The following FAM193A variants were observed in gnomAD, a reference collection of about 807,000 sequenced individuals.
FAM193A encodes the protein family with sequence similarity 193 member A.
FAM193A carries 22 observed loss-of-function variants against 126.5 expected under a neutral mutation model. The observed-to-expected ratio is 0.17, with a 90% CI of 0.12 to 0.25. The LOEUF (loss-of-function observed/expected upper bound fraction) is 0.25. Ranked by LOEUF, FAM193A falls within the 10% of genes least tolerant of loss-of-function variation. FAM193A has a pLI of 1.00. For missense variants in FAM193A, 1,675 were observed against 1,672.8 expected (o/e 1.00, Z -0.02); for synonymous variants, 761 against 646.8 (o/e 1.18, Z -2.68).
At chr4:2,552,132 C>T (rs1737961483) in intron 1 of FAM193A, among the ~76,000 whole-genome samples, 1 of 151,718 alleles carries the variant, frequency 6.6e-6, no homozygotes, top group Non-Finnish European at 1.5e-5. Context: ...CTGCCTCAGC[C>T]TCCGGAGTAG....
intron 7 of FAM193A, among the ~76,000 whole-genome samples, chr4:2,649,870 A>G (rs529144278): frequency 6.6e-6 from 1 of 152,320 alleles, no homozygotes; most frequent in South Asian, 2.1e-4. Context: ...GAAGCCTGTC[A>G]GTGTTTATAG....
In FAM193A at chr4:2,684,679, C is replaced by T. The variant is rs1185667482; in HGVS notation, c.2332-4827C>T. 2.0e-5 allele frequency among the ~76,000 whole-genome samples: 3 copies of T among 152,170 alleles called. No homozygotes were observed. In the East Asian group the frequency reaches 5.8e-4, roughly 29 times the overall value. On this transcript the variant is annotated intron_variant, in intron 13 of 20. Transcript: ENST00000637812. ...CTGAGACCTGGGCTCCTCTTGAGGG[C>T]CTCCAGACTGCTGCCCCCACACGTC...
chr4:2,670,033 G>A lies in FAM193A; in HGVS notation c.2080-2088G>A, dbSNP rs144485462. Among the ~76,000 whole-genome samples the A allele has an allele frequency of 3.0e-3, 457 of 152,204 alleles. 4 individuals carry two copies. The highest frequency in any genetic ancestry group is 4.9e-3 in the Non-Finnish European group (330 of 67,998). On this transcript the variant is annotated intron_variant, in intron 12 of 20. Transcript: ENST00000637812. ...GAAGTGGAGTGTCCAGGTGTTATTT[G>A]GATGCTCTTCCCCCTTTCCTCTGGG...
At chr4:2,667,862 C>T (rs189285733) in intron 12 of FAM193A, among the ~76,000 whole-genome samples, 3 of 151,952 alleles carry the variant, frequency 2.0e-5, no homozygotes, top group East Asian at 1.9e-4. Context: ...TTGTGAATGT[C>T]GTTATAAAAA....
chr4:2,573,056 T>C (rs1739383295), intron 1 of FAM193A, among the ~76,000 whole-genome samples: 1 of 152,148 alleles, frequency 6.6e-6, no homozygotes, highest in Non-Finnish European at 1.5e-5. Context: ...TTGGGTCTCA[T>C]GCTCTTGAGT....
intron 7 of FAM193A, among the ~76,000 whole-genome samples, chr4:2,647,672 G>GC: frequency 6.6e-6 from 1 of 152,128 alleles, no homozygotes; most frequent in Non-Finnish European, 1.5e-5. Context: ...TTGAGACGGC[G>GC]CCCCCTCCCC....
chr4:2,652,033 C>G (rs115679432), intron 7 of FAM193A, among the ~76,000 whole-genome samples: 2,563 of 152,236 alleles, frequency 0.017, 55 homozygotes, highest in African/African-American at 0.049. Context: ...GACTAGGTGA[C>G]CATGAGGTCT....
intron 12 of FAM193A, among the ~76,000 whole-genome samples, chr4:2,668,923 A>T (rs999424807): frequency 1.3e-5 from 2 of 151,508 alleles, no homozygotes; most frequent in African/African-American, 2.4e-5. Flanking sequence ...GCTCACTTCA[A>T]CCTCCACCTC....
chr4:2,662,688 G>C (rs900191485), intron 10 of FAM193A, 150 bp from the exon 11 acceptor site: 3 of 498,114 alleles, frequency 6.0e-6, no homozygotes, highest in Non-Finnish European at 7.0e-6. Context: ...AGGTTACTAA[G>C]AAATGTTAGT....
At chr4:2,620,172 G>C (rs571911201) in intron 2 of FAM193A, among the ~76,000 whole-genome samples, 1 of 152,184 alleles carries the variant, frequency 6.6e-6, no homozygotes, top group Non-Finnish European at 1.5e-5. Flanking sequence ...ATCTGTATAT[G>C]ATGAGTGCTA....
chr4:2,598,209 C>G (rs995118290), intron 2 of FAM193A, among the ~76,000 whole-genome samples: 1 of 152,140 alleles, frequency 6.6e-6, no homozygotes, highest in African/African-American at 2.4e-5. Flanking sequence ...GATTTTTGTT[C>G]CTACAGTTTT....
chr4:2,620,680 C>G (rs1269012356), intron 2 of FAM193A, among the ~76,000 whole-genome samples: 1 of 150,458 alleles, frequency 6.6e-6, no homozygotes, highest in Non-Finnish European at 1.5e-5. Flanking sequence ...GTAACCCCGT[C>G]TCTACTAAAA....
chr4:2,605,564 G>A (rs1741485108), intron 2 of FAM193A, among the ~76,000 whole-genome samples: 1 of 152,154 alleles, frequency 6.6e-6, no homozygotes, highest in South Asian at 2.1e-4. Flanking sequence ...ACATTCTGTT[G>A]TCTATAAATA....
At chr4:2,627,907 T>A (rs937915291) in intron 4 of FAM193A, among the ~76,000 whole-genome samples, 4 of 152,046 alleles carry the variant, frequency 2.6e-5, no homozygotes, top group Non-Finnish European at 4.4e-5. Context: ...CACGCCCAGC[T>A]AATTTTTTGT....
intron 9 of FAM193A, 44 bp from the exon 10 acceptor site, chr4:2,659,768 T>C (rs1192296824): frequency 1.9e-6 from 3 of 1,613,964 alleles, no homozygotes; most frequent in Non-Finnish European, 2.5e-6. Context: ...TGGTCTAGTC[T>C]TGTGCATTGG....
chr4:2,604,961 A>G (rs1189247216), intron 2 of FAM193A, among the ~76,000 whole-genome samples: 8 of 147,664 alleles, frequency 5.4e-5, no homozygotes, highest in Admixed American at 1.3e-4. Flanking sequence ...ACAGTCCTGG[A>G]TGATTTTTTT....
At chr4:2,637,069 G>A (rs1744153786) in intron 5 of FAM193A, among the ~76,000 whole-genome samples, 2 of 152,204 alleles carry the variant, frequency 1.3e-5, no homozygotes, top group Admixed American at 6.5e-5. Context: ...GCCCACACCT[G>A]TAATCCCAGC....
At chr4:2,599,447 C>T (rs568178000) in intron 2 of FAM193A, among the ~76,000 whole-genome samples, 71 of 152,272 alleles carry the variant, frequency 4.7e-4, no homozygotes, top group African/African-American at 1.6e-3. Flanking sequence ...GTGCACGGCT[C>T]TCCTGCAGCT....
intron 1 of FAM193A, among the ~76,000 whole-genome samples, chr4:2,557,813 G>A (rs1738349434): frequency 6.6e-6 from 1 of 152,068 alleles, no homozygotes; most frequent in African/African-American, 2.4e-5. Flanking sequence ...TTAGCCAGGT[G>A]TGGTGGTGCA....
Sources: allele counts gnomAD v4.1 joint callset (sites outside exome capture counted in the v4.1 genomes callset), GRCh38; gene constraint gnomAD v4.1.1; transcripts MANE v1.5; gene names NCBI Gene and HGNC (gene_info 2026-07-23, HGNC 2026-07-21).